Variants in GATAD2B observed in about 807,000 individuals in gnomAD.
GATAD2B encodes the protein GATA zinc finger domain containing 2B, also known as transcriptional repressor p66-beta.
GATAD2B carries 8 observed loss-of-function variants against 64.3 expected under a neutral mutation model. That is an observed-to-expected ratio of 0.12 (90% confidence interval 0.07 to 0.22). The LOEUF (loss-of-function observed/expected upper bound fraction) is 0.22. Ranked by LOEUF, GATAD2B falls within the 10% of genes least tolerant of loss-of-function variation. The probability of loss-of-function intolerance (pLI) is 1.00; values close to 1 mark genes in which losing one functional copy is unlikely to be tolerated. For synonymous variants in GATAD2B, 281 were observed against 271.3 expected, an observed-to-expected ratio of 1.04 and a Z score of -0.35; for missense variants, 453 against 752.0, an observed-to-expected ratio of 0.60 and a Z score of 4.65.
At chr1:153,905,553 GAAA>G (rs769120730) in intron 1 of GATAD2B, among the ~76,000 whole-genome samples, 1 of 64,666 alleles carries the variant, frequency 1.5e-5, no homozygotes, top group African/African-American at 5.7e-5. Context: ...AACAATTTTG[GAAA>G]AAAAAAAAAA....
intron 1 of GATAD2B, among the ~76,000 whole-genome samples, chr1:153,855,212 T>C (rs1022767763): frequency 8.7e-6 from 1 of 114,406 alleles, no homozygotes; most frequent in East Asian, 2.6e-4. Context: ...ACTGTAGCAT[T>C]AGCTTTCTTT....
chr1:153,898,282 G>C (rs1355962008), intron 1 of GATAD2B, among the ~76,000 whole-genome samples: 1 of 142,778 alleles, frequency 7.0e-6, no homozygotes, highest in Non-Finnish European at 1.5e-5. Context: ...ATTTCGGCCT[G>C]GGCAACAGAG....
chr1:153,842,954 CTT>C (rs11424016), intron 1 of GATAD2B, among the ~76,000 whole-genome samples: 12 of 117,450 alleles, frequency 1.0e-4, no homozygotes, highest in East Asian at 2.5e-4. Context: ...CTCGCCCAGC[CTT>C]TTTTTTTTTT....
chr1:153,915,924 G>A (rs1323999548), intron 1 of GATAD2B, among the ~76,000 whole-genome samples: 1 of 152,088 alleles, frequency 6.6e-6, no homozygotes, highest in Admixed American at 6.6e-5. Context: ...TTTAAGATGA[G>A]GAAAGTAGAA....
intron 1 of GATAD2B, among the ~76,000 whole-genome samples, chr1:153,860,865 T>C (rs952527392): frequency 2.0e-5 from 3 of 152,164 alleles, no homozygotes; most frequent in African/African-American, 7.2e-5. Flanking sequence ...TTGCTGAGGC[T>C]GCTCTTGAAC....
At chr1:153,900,264 C>T (rs1677725764) in intron 1 of GATAD2B, among the ~76,000 whole-genome samples, 3 of 151,704 alleles carry the variant, frequency 2.0e-5, no homozygotes. Context: ...TAAAAAAATA[C>T]AAAAATTAGC....
intron 2 of GATAD2B, among the ~76,000 whole-genome samples, chr1:153,824,612 TAAAAAAA>T (rs771879855): frequency 6.2e-5 from 6 of 96,698 alleles, no homozygotes; most frequent in East Asian, 2.9e-4. Flanking sequence ...ACTCTGCCTT[TAAAAAAA>T]AAAAAAAAAA....
rs759486983 is a variant in GATAD2B, at chr1:153,828,349, C to CT, written c.-1-2dup. 116 of 1,600,024 alleles carry CT rather than the reference C, an allele frequency of 7.2e-5. No individual in the cohort carries two copies. The highest frequency in any genetic ancestry group is 9.4e-5 in the Non-Finnish European group (110 of 1,174,536). ...AGCATCTTCTGTCATTCTATCCATC[C>CT]TATGGAAAGAAAAATACAAGTAAGA... is the stretch of plus-strand genomic sequence containing the variant. On this transcript the variant is annotated splice_acceptor_variant, in intron 1 of 10. Transcript: ENST00000368655. LOFTEE classifies it low-confidence loss of function (5UTR_SPLICE).
chr1:153,839,811 AAC>A (rs1479646995), intron 1 of GATAD2B, among the ~76,000 whole-genome samples: 3 of 151,912 alleles, frequency 2.0e-5, no homozygotes, highest in African/African-American at 4.8e-5. Flanking sequence ...CTCTACTAAA[AAC>A]ACAAAAAATT....
chr1:153,843,584 T>C (rs1675574331), intron 1 of GATAD2B, among the ~76,000 whole-genome samples: 1 of 152,054 alleles, frequency 6.6e-6, no homozygotes, highest in Non-Finnish European at 1.5e-5. Flanking sequence ...CTTCAATTTT[T>C]TATATTTAAA....
intron 1 of GATAD2B, among the ~76,000 whole-genome samples, chr1:153,896,103 T>C (rs1677582351): frequency 1.3e-5 from 2 of 151,686 alleles, no homozygotes; most frequent in South Asian, 4.2e-4. Context: ...TAGGCTGTAG[T>C]AAGCTATGAT....
At chr1:153,810,574 C>A (rs1674260527) in intron 10 of GATAD2B, among the ~76,000 whole-genome samples, 1 of 152,182 alleles carries the variant, frequency 6.6e-6, no homozygotes, top group Admixed American at 6.5e-5. Context: ...CCTGCCTCAG[C>A]CTCCAGAGTA....
intron 1 of GATAD2B, among the ~76,000 whole-genome samples, chr1:153,914,948 G>A (rs1390050224): frequency 2.0e-5 from 3 of 152,178 alleles, no homozygotes; most frequent in Non-Finnish European, 2.9e-5. Flanking sequence ...AAAAGGCCAG[G>A]AGCAGTGGCT....
At chr1:153,828,371 A>C in intron 1 of GATAD2B, 23 bp from the exon 2 acceptor site, 1 of 1,576,800 alleles carries the variant, frequency 6.3e-7, no homozygotes, top group Non-Finnish European at 8.6e-7. Context: ...AAATACAAGT[A>C]AGATCAGAAT....
intron 1 of GATAD2B, among the ~76,000 whole-genome samples, chr1:153,900,155 T>G (rs1677723187): frequency 1.3e-5 from 2 of 152,070 alleles, no homozygotes; most frequent in Non-Finnish European, 2.9e-5. Context: ...GAGTGGCTCA[T>G]GCCTGTAATC....
rs1299587338 is a variant in GATAD2B at position 153,806,694 on chromosome 1, A to G, written c.*3483T>C. 6.6e-6 allele frequency: 1 copy of G among 150,948 alleles called. No homozygotes were observed. The highest frequency in any genetic ancestry group is 1.5e-5 in the Non-Finnish European group (1 of 67,856). 9.4% of individuals were successfully genotyped at this position (150,948 alleles called of 1,614,324 possible). Reference sequence around the variant, plus strand: ...TTATATACATGAACGAGTCCTTGTTATAACATCTCGGCAGCAAATATCATA... The same window carrying G: ...TTATATACATGAACGAGTCCTTGTTGTAACATCTCGGCAGCAAATATCATA... On this transcript the variant is annotated 3_prime_UTR_variant, in exon 11 of 11. Transcript: ENST00000368655.
chr1:153,837,558 G>A (rs59897478), intron 1 of GATAD2B, among the ~76,000 whole-genome samples: 3,049 of 152,074 alleles, frequency 0.02, 108 homozygotes, highest in African/African-American at 0.07. Flanking sequence ...CTTACAAATG[G>A]TTAAGATGGT....
chr1:153,884,938 GT>G (rs1285661646), intron 1 of GATAD2B, among the ~76,000 whole-genome samples: 1 of 151,866 alleles, frequency 6.6e-6, no homozygotes, highest in Non-Finnish European at 1.5e-5. Flanking sequence ...TGTATTTTTA[GT>G]AGAGACAGGG....
At chr1:153,852,234 A>G in intron 1 of GATAD2B, 1 of 1,199,308 alleles carries the variant, frequency 8.3e-7, no homozygotes, top group Non-Finnish European at 1.2e-6. Context: ...GCATGTTGTT[A>G]ACAAGAAATC....
Sources: allele counts gnomAD v4.1 joint callset (sites outside exome capture counted in the v4.1 genomes callset), GRCh38; gene constraint gnomAD v4.1.1; transcripts MANE v1.5; gene names NCBI Gene and HGNC (gene_info 2026-07-23, HGNC 2026-07-21).